Variants in GRK5 observed in about 807,000 individuals in gnomAD.
GRK5 encodes the protein G protein-coupled receptor kinase 5, also known as g protein-coupled receptor kinase GRK5.
In GRK5, 40 loss-of-function variants were observed where a neutral mutation model predicts 78.4. That is an observed-to-expected ratio of 0.51 (90% CI 0.40 to 0.66). The LOEUF (loss-of-function observed/expected upper bound fraction) is 0.66. Ranked by LOEUF, GRK5 falls within the 30% of genes least tolerant of loss-of-function variation. The probability of loss-of-function intolerance (pLI) is 0.00; values close to 1 mark genes in which losing one functional copy is unlikely to be tolerated. For missense variants in GRK5, 598 were observed against 759.9 expected, an observed-to-expected ratio of 0.79 and a Z score of 2.50; for synonymous variants, 289 against 296.8, an observed-to-expected ratio of 0.97 and a Z score of 0.27.
intron 6 of GRK5, among the ~76,000 whole-genome samples, chr10:119,427,816 A>G (rs1006927096): frequency 7.2e-6 from 1 of 138,116 alleles, no homozygotes; most frequent in Admixed American, 7.1e-5. Flanking sequence ...CAGCATCACC[A>G]CCATCATCAG....
chr10:119,262,180 C>T (rs1462096152), intron 1 of GRK5, among the ~76,000 whole-genome samples: 2 of 152,070 alleles, frequency 1.3e-5, no homozygotes, highest in Non-Finnish European at 2.9e-5. Context: ...AGCCAATCAG[C>T]CCACCAGGAA....
At chr10:119,299,719 A>G (rs1850142131) in intron 1 of GRK5, among the ~76,000 whole-genome samples, 1 of 152,126 alleles carries the variant, frequency 6.6e-6, no homozygotes, top group South Asian at 2.1e-4. Flanking sequence ...TTGACCATAT[A>G]GTGACTGAGC....
chr10:119,214,618 C>T (rs1238071351), intron 1 of GRK5, among the ~76,000 whole-genome samples: 1 of 152,076 alleles, frequency 6.6e-6, no homozygotes, highest in Non-Finnish European at 1.5e-5. Context: ...CTCCTGGGCT[C>T]AAGTGATCCT....
intron 2 of GRK5, chr10:119,334,454 C>T (rs1850840674): frequency 6.6e-6 from 1 of 152,548 alleles, no homozygotes; most frequent in African/African-American, 2.4e-5. Flanking sequence ...AACGTCTGCT[C>T]AGTGAAACAT....
intron 1 of GRK5, among the ~76,000 whole-genome samples, chr10:119,216,509 T>G (rs549400382): frequency 1.3e-5 from 2 of 152,200 alleles, no homozygotes; most frequent in African/African-American, 4.8e-5. Context: ...GAAACTGAGA[T>G]GAAAGAAAGG....
chr10:119,358,971 C>T (rs1467902778), intron 2 of GRK5, among the ~76,000 whole-genome samples: 3 of 152,208 alleles, frequency 2.0e-5, no homozygotes, highest in African/African-American at 7.2e-5. Context: ...TAGGGCCCCA[C>T]CCTGAAGAAT....
At chr10:119,272,178 A>T (rs1305607079) in intron 1 of GRK5, among the ~76,000 whole-genome samples, 6 of 152,188 alleles carry the variant, frequency 3.9e-5, no homozygotes, top group African/African-American at 1.4e-4. Flanking sequence ...CAGGGCATAG[A>T]TGCTAAATGG....
intron 1 of GRK5, among the ~76,000 whole-genome samples, chr10:119,297,197 G>C (rs1850097043): frequency 6.6e-6 from 1 of 152,354 alleles, no homozygotes; most frequent in East Asian, 1.9e-4. Flanking sequence ...CTACCAGAGA[G>C]ATCTCATTCT....
At chr10:119,325,771 T>G (rs112437535) in intron 1 of GRK5, among the ~76,000 whole-genome samples, 167 of 152,232 alleles carry the variant, frequency 1.1e-3, no homozygotes, top group African/African-American at 3.6e-3. Context: ...GGACCAGGAG[T>G]GCAAGGATGA....
At position 119,445,314 on chromosome 10, in the gene GRK5, A is replaced by G. The variant is rs1299259451; in HGVS notation, c.1266+1562A>G. Among the ~76,000 whole-genome samples the G allele has an allele frequency of 6.6e-6, 1 of 152,198 alleles. No homozygotes were observed. Among genetic ancestry groups the G allele is most frequent in the Non-Finnish European group, 1.5e-5 (1 of 68,034 alleles). ...GGGGTCAGACAGCCGTGGGCAGAGCATCACCAAATGTCCCAGGTCAGGGCC... is the reference window on the plus strand; with the variant it reads ...GGGGTCAGACAGCCGTGGGCAGAGCGTCACCAAATGTCCCAGGTCAGGGCC... On this transcript the variant is annotated intron_variant, in intron 12 of 15. Transcript: ENST00000392870. The surrounding 1 kb of genome is among the most constrained non-coding windows in gnomAD (Gnocchi z 4.1).
chr10:119,272,904 G>A (rs1323262531), intron 1 of GRK5, among the ~76,000 whole-genome samples: 4 of 152,312 alleles, frequency 2.6e-5, no homozygotes, highest in Non-Finnish European at 2.9e-5. Flanking sequence ...AGGGGACTCC[G>A]CAGGCTGAGG....
intron 4 of GRK5, among the ~76,000 whole-genome samples, chr10:119,399,670 G>A (rs1852115387): frequency 1.3e-5 from 2 of 152,210 alleles, no homozygotes; most frequent in South Asian, 4.1e-4. Flanking sequence ...CATATTCAAG[G>A]CTCTGAGAAG....
At chr10:119,286,676 T>TCAGCCCGCCTCCCCTGTTG (rs1213019284) in intron 1 of GRK5, among the ~76,000 whole-genome samples, 2 of 152,220 alleles carry the variant, frequency 1.3e-5, no homozygotes, top group African/African-American at 4.8e-5. Context: ...TTGTCTCCGG[T>TCAGCCCGCCTCCCCTGTTG]CAGCCCGCCT....
chr10:119,256,284 C>G (rs1045630129), intron 1 of GRK5, among the ~76,000 whole-genome samples: 1 of 152,140 alleles, frequency 6.6e-6, no homozygotes, highest in Non-Finnish European at 1.5e-5. Context: ...CGGACCCCCC[C>G]ACACACCTCA....
Position 119,455,836 on chromosome 10 carries a change from C to A in GRK5, c.*769C>A, listed in dbSNP as rs2420622. ...CGAGGGGCACGCCGAGCCACTGTCG[C>A]ACCCACCTCTGTCTGCTCTTCCTTC... On this transcript the variant is annotated 3_prime_UTR_variant, in exon 16 of 16. Coordinates refer to ENST00000392870, the MANE Select transcript of GRK5 (RefSeq NM_005308.3). 0.067 allele frequency: 10,480 copies of A among 156,928 alleles called. 593 individuals carry two copies. Among genetic ancestry groups the A allele is most frequent in the East Asian group, 0.3 (1,560 of 5,208 alleles). The allele number at this position is 156,928 out of a possible 1,614,324, so 9.7% of individuals were successfully genotyped here.
intron 1 of GRK5, among the ~76,000 whole-genome samples, chr10:119,235,899 T>C (rs1026567227): frequency 1.3e-5 from 2 of 152,130 alleles, no homozygotes; most frequent in Non-Finnish European, 2.9e-5. Context: ...GGCTGGCAGG[T>C]AACCAAAGGC....
chr10:119,445,095 C>G lies in GRK5; in HGVS notation c.1266+1343C>G, dbSNP rs956085566. ...ACAGCAGACCCACACTCTAACCCCA[C>G]AGCTGTTGGCCCGCCATGCAGCTGG... is the stretch of plus-strand genomic sequence containing the variant. On this transcript the variant is annotated intron_variant, in intron 12 of 15. Transcript: ENST00000392870. This position sits in a 1 kb window ranked among gnomAD's most constrained non-coding sequence, Gnocchi z 4.1. Among the ~76,000 whole-genome samples, 9 of 152,176 alleles carry G rather than the reference C, an allele frequency of 5.9e-5. No individual in the cohort carries two copies. The highest frequency in any genetic ancestry group is 2.2e-4 in the African/African-American group (9 of 41,430).
chr10:119,412,510 C>T lies in GRK5; in HGVS notation c.340-10656C>T, dbSNP rs1368974355. Among the ~76,000 whole-genome samples the T allele has an allele frequency of 2.0e-5, 3 of 152,174 alleles. No individual in the cohort carries two copies. The highest frequency in any genetic ancestry group is 7.2e-5 in the African/African-American group (3 of 41,452). ...CTGATTTATTTTTCTCCCCAGTGAC[C>T]CCGAAAACCAAACCCTGCCTTCTTT... On this transcript the variant is annotated intron_variant, in intron 4 of 15. Transcript: ENST00000392870. The surrounding 1 kb of genome is among the most constrained non-coding windows in gnomAD (Gnocchi z 4.3).
intron 2 of GRK5, among the ~76,000 whole-genome samples, chr10:119,337,641 C>T (rs547999015): frequency 2.0e-5 from 3 of 151,880 alleles, no homozygotes; most frequent in Admixed American, 6.6e-5. Context: ...TTTTTTGAGA[C>T]AGAGTTTTGC....
Sources: allele counts gnomAD v4.1 joint callset (sites outside exome capture counted in the v4.1 genomes callset), GRCh38; gene constraint gnomAD v4.1.1; non-coding constraint Gnocchi (gnomAD v3.1); transcripts MANE v1.5; gene names NCBI Gene and HGNC (gene_info 2026-07-23, HGNC 2026-07-21).